The following C2orf78 variants were observed in gnomAD, a reference collection of about 807,000 sequenced individuals.
C2orf78 encodes uncharacterized protein C2orf78.
Under a neutral mutation model 21.4 loss-of-function variants are expected in C2orf78, and 12 were observed. The ratio of observed to expected loss-of-function variants is 0.56; its 90% CI spans 0.36 to 0.91. C2orf78 has a LOEUF of 0.91. Ranked by LOEUF, C2orf78 falls within the 40% of genes least tolerant of loss-of-function variation. C2orf78 has a pLI of 0.01. For synonymous variants in C2orf78, 396 were observed against 413.9 expected (o/e 0.96, Z 0.52); for missense variants, 1,042 against 1,092.4 (o/e 0.95, Z 0.65).
At chr2:73,814,704 C>T (rs935438296) in intron 2 of C2orf78, among the ~76,000 whole-genome samples, 1 of 152,236 alleles carries the variant, frequency 6.6e-6, no homozygotes, top group African/African-American at 2.4e-5. Context: ...AAGGGCTCCA[C>T]TCTCTACCTT....
At position 73,815,507 on chromosome 2, in the gene C2orf78, A is replaced by G. The variant is rs758941224; in HGVS notation, c.1284A>G (p.Gln428=). The change falls in exon 3 of 3, where the codon CAA becomes CAG. Residue 428 remains glutamine, a synonymous_variant. Transcript: ENST00000409561. ...ATAAGAGCCTGAGTCTTGAGGACCA[A>G]GGGATATTTGAAAATGGGATTGAGT... 3.1e-6 allele frequency: 5 copies of G among 1,613,862 alleles called. No homozygotes were observed. The African/African-American group carries it at 6.7e-5, about 22-fold the overall frequency.
intron 1 of C2orf78, among the ~76,000 whole-genome samples, chr2:73,812,379 C>T (rs1427357881): frequency 1.3e-5 from 2 of 152,076 alleles, no homozygotes; most frequent in Non-Finnish European, 2.9e-5. Flanking sequence ...ACTATATCTT[C>T]CTCATTATAA....
exon 3 of C2orf78, chr2:73,816,240 C>T (rs1294952440): frequency 6.2e-7 from 1 of 1,613,890 alleles, no homozygotes; most frequent in African/African-American, 1.3e-5. Flanking sequence ...AGCTCTCAAA[C>T]CATGGCTGGA....
chr2:73,816,729 C>T (rs934293521), exon 3 of C2orf78: 9 of 1,613,820 alleles, frequency 5.6e-6, no homozygotes, highest in African/African-American at 1.3e-5. Context: ...GACCAGTCTC[C>T]GGTCACTGCC....
At chr2:73,807,460 G>T (rs1486436769) in intron 1 of C2orf78, among the ~76,000 whole-genome samples, 2 of 11,938 alleles carry the variant, frequency 1.7e-4, no homozygotes, top group Non-Finnish European at 3.4e-4. Context: ...TATGTGAGAA[G>T]AAAGAAAGAA....
exon 3 of C2orf78, chr2:73,815,164 C>G: frequency 6.2e-7 from 1 of 1,613,996 alleles, no homozygotes; most frequent in South Asian, 1.1e-5. Context: ...TTCTCCAAGT[C>G]CTTCAGTAGC....
chr2:73,784,626 T>A (rs1211826964), intron 1 of C2orf78, among the ~76,000 whole-genome samples: 1 of 151,372 alleles, frequency 6.6e-6, no homozygotes, highest in African/African-American at 2.5e-5. Context: ...TCTATTACAC[T>A]AGGATAATAG....
chr2:73,814,767 T>C (rs1442276303), intron 2 of C2orf78, among the ~76,000 whole-genome samples: 2 of 152,192 alleles, frequency 1.3e-5, no homozygotes, highest in Non-Finnish European at 2.9e-5. Flanking sequence ...GTGGAGAGAA[T>C]TGAAAGGACC....
chr2:73,816,312 A>G (rs1673196253), exon 3 of C2orf78: 2 of 1,613,902 alleles, frequency 1.2e-6, no homozygotes, highest in East Asian at 2.2e-5. Flanking sequence ...ACTAGATGGT[A>G]GTGCTGAAAA....
exon 3 of C2orf78, chr2:73,816,260 T>C (rs1199495227): frequency 6.2e-7 from 1 of 1,613,840 alleles, no homozygotes; most frequent in Non-Finnish European, 8.5e-7. Flanking sequence ...ATATCCAACA[T>C]GAGGGTAAAG....
intron 1 of C2orf78, among the ~76,000 whole-genome samples, chr2:73,810,259 G>T (rs868647201): frequency 1.3e-5 from 2 of 151,962 alleles, no homozygotes; most frequent in Non-Finnish European, 2.9e-5. Flanking sequence ...GGCCGGGCAG[G>T]ATGGCTCACA....
chr2:73,816,382 C>A (rs1175614295), exon 3 of C2orf78: 1 of 1,613,890 alleles, frequency 6.2e-7, no homozygotes, highest in Non-Finnish European at 8.5e-7. Context: ...AAGTTGATAC[C>A]TTTGCCCTTT....
At chr2:73,816,708 T>C in exon 3 of C2orf78, 1 of 1,614,014 alleles carries the variant, frequency 6.2e-7, no homozygotes, top group African/African-American at 1.3e-5. Context: ...GGAGCCTGTT[T>C]CCACTGCTGT....
chr2:73,816,927 G>A (rs769173412), exon 3 of C2orf78: 6 of 1,612,804 alleles, frequency 3.7e-6, no homozygotes, highest in South Asian at 1.1e-5. Flanking sequence ...TTTGGGGAAA[G>A]TGCAGTTTTT....
Position 73,808,273 on chromosome 2 carries a change from A to T in C2orf78, c.98-5204A>T, listed in dbSNP as rs576880401. Among the ~76,000 whole-genome samples the T allele has an allele frequency of 1.3e-3, 197 of 150,184 alleles. 1 individual carries two copies. Among genetic ancestry groups the T allele is most frequent in the East Asian group, 6.4e-3 (33 of 5,164 alleles). ...CATCTCACAAAAAATTCAATAAAATAAAAAAGCAGCAGTAAATTCATTAAT... is the reference window on the plus strand; with the variant it reads ...CATCTCACAAAAAATTCAATAAAATTAAAAAGCAGCAGTAAATTCATTAAT... On this transcript the variant is annotated intron_variant, in intron 1 of 2. Transcript: ENST00000409561.
At chr2:73,815,311 A>G (rs773247013) in exon 3 of C2orf78, 1 of 1,613,960 alleles carries the variant, frequency 6.2e-7, no homozygotes, top group Non-Finnish European at 8.5e-7. Context: ...GAGAATTTGG[A>G]TGAGATTAAA....
At position 73,784,856 on chromosome 2, in the gene C2orf78, T is replaced by C. The variant is rs2259800; in HGVS notation, c.97+450T>C. The stretch of plus-strand genomic sequence containing the variant: ...CTTTCGTATTTTAAATTTAGTGATG[T>C]TTAGTGATGTTTTAAATAATATTCA... On this transcript the variant is annotated intron_variant, in intron 1 of 2. Transcript: ENST00000409561. Among the ~76,000 whole-genome samples the C allele has an allele frequency of 2.4e-3, 352 of 149,630 alleles. 8 individuals are homozygous for C. The highest frequency in any genetic ancestry group is 6.9e-3 in the African/African-American group (269 of 39,096).
At chr2:73,811,554 C>T (rs1444799448) in intron 1 of C2orf78, among the ~76,000 whole-genome samples, 1 of 152,252 alleles carries the variant, frequency 6.6e-6, no homozygotes, top group East Asian at 1.9e-4. Context: ...AAACAGAGTA[C>T]CTACTGATTC....
exon 3 of C2orf78, chr2:73,816,343 A>C (rs1207089134): frequency 4.3e-6 from 7 of 1,613,276 alleles, no homozygotes; most frequent in Non-Finnish European, 5.9e-6. Context: ...TCTCCATCCC[A>C]CTCTGAGTTG....
Sources: allele counts gnomAD v4.1 joint callset (sites outside exome capture counted in the v4.1 genomes callset), GRCh38; gene constraint gnomAD v4.1.1; transcripts MANE v1.5; gene names NCBI Gene and HGNC (gene_info 2026-07-23, HGNC 2026-07-21).